TENM4: variants seen among roughly 807,000 people sequenced by gnomAD.
TENM4 encodes teneurin transmembrane protein 4.
In TENM4, 82 loss-of-function variants were observed where a neutral mutation model predicts 243.3. The ratio of observed to expected loss-of-function variants is 0.34; its 90% CI spans 0.28 to 0.40. TENM4 has a LOEUF of 0.40. Among genes scored for constraint, TENM4 ranks in the 10% least tolerant of loss-of-function variants. The probability of loss-of-function intolerance (pLI) is 1.00; values close to 1 mark genes in which losing one functional copy is unlikely to be tolerated. For synonymous variants in TENM4, 1,412 were observed against 1,456.3 expected (o/e 0.97, Z 0.69); for missense variants, 3,138 against 3,673.3 (o/e 0.85, Z 3.77).
At chr11:78,738,694 G>T in intron 19 of TENM4, 124 bp from the exon 20 acceptor site, 1 of 915,862 alleles carries the variant, frequency 1.1e-6, no homozygotes, top group Non-Finnish European at 1.6e-6. Flanking sequence ...GTACCCAGGG[G>T]TTCATGGTGT....
intron 1 of TENM4, among the ~76,000 whole-genome samples, chr11:79,328,458 C>T (rs1422786490): frequency 6.6e-6 from 1 of 152,168 alleles, no homozygotes; most frequent in Non-Finnish European, 1.5e-5. Flanking sequence ...TTGCAGACTG[C>T]CCAGCTGACT....
At chr11:78,904,805 G>A (rs1166250585) in intron 6 of TENM4, among the ~76,000 whole-genome samples, 2 of 152,224 alleles carry the variant, frequency 1.3e-5, no homozygotes, top group East Asian at 3.8e-4. Flanking sequence ...GGCTAAGTAG[G>A]TGTTATTGGC....
At chr11:79,157,802 G>A (rs1294237577) in intron 3 of TENM4, among the ~76,000 whole-genome samples, 1 of 152,044 alleles carries the variant, frequency 6.6e-6, no homozygotes, top group East Asian at 1.9e-4. Context: ...TCTGTCTGTT[G>A]GTCCCGCTAC....
chr11:79,368,192 A>G (rs1857713230), intron 1 of TENM4, among the ~76,000 whole-genome samples: 1 of 152,198 alleles, frequency 6.6e-6, no homozygotes, highest in African/African-American at 2.4e-5. Flanking sequence ...AGAAGCCAAG[A>G]GCAGCCACTC....
At chr11:78,810,128 A>G (rs1857467247) in intron 14 of TENM4, among the ~76,000 whole-genome samples, 1 of 152,184 alleles carries the variant, frequency 6.6e-6, no homozygotes, top group South Asian at 2.1e-4. Flanking sequence ...CATAGAGCAG[A>G]GGGAGGAGGG....
intron 11 of TENM4, 130 bp from the exon 12 acceptor site, chr11:78,854,444 G>T: frequency 2.7e-6 from 2 of 731,136 alleles, no homozygotes; most frequent in East Asian, 6.2e-5. Context: ...AGAGGCTAAG[G>T]GTGCAGGAAG....
chr11:79,344,274 C>T (rs1857289922), intron 1 of TENM4, among the ~76,000 whole-genome samples: 1 of 152,180 alleles, frequency 6.6e-6, no homozygotes, highest in Non-Finnish European at 1.5e-5. Flanking sequence ...AGAGGGGGTG[C>T]TCAAAGCATG....
At chr11:78,700,454 C>T (rs1227392101) in intron 28 of TENM4, among the ~76,000 whole-genome samples, 4 of 152,164 alleles carry the variant, frequency 2.6e-5, no homozygotes, top group Non-Finnish European at 5.9e-5. Flanking sequence ...AGCTAATACT[C>T]AACAAGGCTA....
At chr11:78,987,905 G>A (rs567563928) in intron 6 of TENM4, among the ~76,000 whole-genome samples, 17 of 152,240 alleles carry the variant, frequency 1.1e-4, no homozygotes, top group Non-Finnish European at 2.2e-4. Flanking sequence ...CCCACACAGG[G>A]CCAGGACTCA....
chr11:79,020,332 C>T (rs1216450309), intron 6 of TENM4, among the ~76,000 whole-genome samples: 1 of 152,206 alleles, frequency 6.6e-6, no homozygotes, highest in African/African-American at 2.4e-5. Flanking sequence ...AAATGTTGAG[C>T]TCATGTCGCT....
intron 6 of TENM4, among the ~76,000 whole-genome samples, chr11:78,973,175 T>G (rs913295902): frequency 2.0e-5 from 3 of 152,260 alleles, no homozygotes; most frequent in Non-Finnish European, 4.4e-5. Context: ...TGTGAGAGTA[T>G]GTTTTTACCT....
At chr11:79,081,903 A>G (rs1190410214) in intron 4 of TENM4, among the ~76,000 whole-genome samples, 1 of 152,104 alleles carries the variant, frequency 6.6e-6, no homozygotes, top group Non-Finnish European at 1.5e-5. Context: ...GTGACCTCGG[A>G]ACAGTCCTTC....
chr11:78,753,291 T>G (rs1331296453), intron 19 of TENM4, among the ~76,000 whole-genome samples: 2 of 152,200 alleles, frequency 1.3e-5, no homozygotes, highest in Non-Finnish European at 2.9e-5. Context: ...GTACCATTAT[T>G]GCCAATTTAT....
At chr11:79,173,321 T>C (rs1863088012) in intron 3 of TENM4, among the ~76,000 whole-genome samples, 1 of 152,128 alleles carries the variant, frequency 6.6e-6, no homozygotes, top group South Asian at 2.1e-4. Context: ...GCCCCTTTGG[T>C]CACAGGTAGT....
intron 28 of TENM4, among the ~76,000 whole-genome samples, chr11:78,688,540 G>A (rs1232607680): frequency 6.6e-6 from 1 of 152,092 alleles, no homozygotes; most frequent in African/African-American, 2.4e-5. Flanking sequence ...ATTGTGAGGG[G>A]GAGAGATGAT....
intron 2 of TENM4, among the ~76,000 whole-genome samples, chr11:79,222,077 G>GC (rs1864168154): frequency 6.6e-6 from 1 of 152,230 alleles, no homozygotes; most frequent in African/African-American, 2.4e-5. Context: ...TCCTTCATAG[G>GC]CATAGGTGTG....
At chr11:79,435,371 C>T (rs1407962285) in intron 1 of TENM4, among the ~76,000 whole-genome samples, 2 of 152,174 alleles carry the variant, frequency 1.3e-5, no homozygotes, top group Non-Finnish European at 2.9e-5. Flanking sequence ...GGGCATATTA[C>T]TTTCAAAGTG....
intron 3 of TENM4, among the ~76,000 whole-genome samples, chr11:79,171,083 C>G (rs1863029457): frequency 3.9e-5 from 6 of 152,082 alleles, no homozygotes; most frequent in Admixed American, 3.9e-4. Flanking sequence ...GACATAAGCA[C>G]AGAGGTAGAA....
At chr11:79,394,076 T>C (rs1479841353) in intron 1 of TENM4, among the ~76,000 whole-genome samples, 1 of 152,148 alleles carries the variant, frequency 6.6e-6, no homozygotes, top group Admixed American at 6.5e-5. Flanking sequence ...GTACAGTGAA[T>C]TCAACACCTC....
Sources: allele counts gnomAD v4.1 joint callset (sites outside exome capture counted in the v4.1 genomes callset), GRCh38; gene constraint gnomAD v4.1.1; transcripts MANE v1.5; gene names NCBI Gene and HGNC (gene_info 2026-07-23, HGNC 2026-07-21).